Variants in RNF41 observed in about 807,000 individuals in gnomAD.
The protein encoded by RNF41 is E3 ubiquitin-protein ligase NRDP1.
Under a neutral mutation model 33.0 loss-of-function variants are expected in RNF41, and 4 were observed. The ratio of observed to expected loss-of-function variants is 0.12; its 90% confidence interval spans 0.06 to 0.28. The LOEUF is 0.28. Among genes scored for constraint, RNF41 ranks in the 10% least tolerant of loss-of-function variants. The pLI, the probability that RNF41 is intolerant of heterozygous loss-of-function variation, is 1.00. For missense variants in RNF41, 228 were observed against 432.6 expected (o/e 0.53, Z 4.19); for synonymous variants, 164 against 153.2 (o/e 1.07, Z -0.52).
chr12:56,219,668 T>TACCCACACACAC, intron 1 of RNF41, among the ~76,000 whole-genome samples: 1 of 150,552 alleles, frequency 6.6e-6, no homozygotes, highest in African/African-American at 2.4e-5. Context: ...TATATGTGTA[T>TACCCACACACAC]ATACACGCGC....
intron 2 of RNF41, among the ~76,000 whole-genome samples, chr12:56,215,450 G>A (rs1354957882): frequency 6.6e-6 from 1 of 152,130 alleles, no homozygotes; most frequent in Non-Finnish European, 1.5e-5. Context: ...GCCGGGCATG[G>A]TGGCTCATGC....
chr12:56,212,693 G>T (rs1868566120), intron 3 of RNF41, among the ~76,000 whole-genome samples: 1 of 152,022 alleles, frequency 6.6e-6, no homozygotes, highest in African/African-American at 2.4e-5. Flanking sequence ...TCCAGAGTTG[G>T]TTGCCATTGG....
intron 1 of RNF41, among the ~76,000 whole-genome samples, chr12:56,219,711 T>C (rs888215345): frequency 6.7e-6 from 1 of 148,428 alleles, no homozygotes; most frequent in African/African-American, 2.5e-5. Context: ...GCAAATCAAA[T>C]GAAATAATAA....
At chr12:56,221,571 C>T (rs74092035) in intron 1 of RNF41, 189 bp downstream of exon 1, 6,547 of 152,718 alleles carry the variant, frequency 0.043, 440 homozygotes, top group African/African-American at 0.15. Context: ...ACAACCCGTT[C>T]TCCAGAGCCC....
At chr12:56,216,196 G>C (rs1200587701) in intron 2 of RNF41, among the ~76,000 whole-genome samples, 4 of 150,758 alleles carry the variant, frequency 2.7e-5, no homozygotes, top group Non-Finnish European at 5.9e-5. Flanking sequence ...GAGTACATAG[G>C]AAAAAAAACA....
At chr12:56,213,633 G>GT (rs1868644160) in intron 3 of RNF41, among the ~76,000 whole-genome samples, 1 of 152,142 alleles carries the variant, frequency 6.6e-6, no homozygotes, top group East Asian at 1.9e-4. Flanking sequence ...ATGGAACCTA[G>GT]TAAGAGTTCC....
intron 1 of RNF41, among the ~76,000 whole-genome samples, chr12:56,221,010 G>T (rs572795821): frequency 2.6e-5 from 4 of 152,148 alleles, no homozygotes; most frequent in Non-Finnish European, 5.9e-5. Context: ...CAGTCCCCAA[G>T]AACAGTGGCC....
At chr12:56,216,866 C>T (rs531836821) in intron 1 of RNF41, among the ~76,000 whole-genome samples, 21 of 152,296 alleles carry the variant, frequency 1.4e-4, no homozygotes, top group East Asian at 3.9e-4. Flanking sequence ...AGAGGCCGGG[C>T]GTGGTGGCTC....
intron 1 of RNF41, among the ~76,000 whole-genome samples, chr12:56,220,178 G>C (rs1869257319): frequency 6.6e-6 from 1 of 151,976 alleles, no homozygotes; most frequent in Non-Finnish European, 1.5e-5. Context: ...AGCCGAGATG[G>C]ACCAATCACC....
In RNF41 at chr12:56,215,041, T is replaced by A. The variant is rs188619624; in HGVS notation, c.-23-971A>T. 1.1e-3 allele frequency among the ~76,000 whole-genome samples: 172 copies of A among 151,958 alleles called. 1 individual carries two copies. Among genetic ancestry groups the A allele is most frequent in the East Asian group, 7.2e-3 (37 of 5,172 alleles). ...AGAAACGTGTCCTGTAGGGCAAGAG[T>A]CAGCTAAATGTTGGGGGAGCAGGGC... On this transcript the variant is annotated intron_variant, in intron 2 of 6. Coordinates refer to ENST00000345093, the MANE Select transcript of RNF41 (RefSeq NM_005785.4).
rs1456746226 is a variant in RNF41, at chr12:56,206,768, C to G, written c.633G>C (p.Val211=). 6.2e-7 allele frequency: 1 copy of G among 1,613,982 alleles called. No individual in the cohort carries two copies. The highest frequency in any genetic ancestry group is 2.2e-5 in the East Asian group (1 of 44,884). The change falls in exon 7 of 7, where the codon GTG becomes GTC. Residue 211 remains valine, a synonymous_variant. Transcript: ENST00000345093. This position sits in a 1 kb window ranked among gnomAD's most constrained non-coding sequence, Gnocchi z 5.7. ...TCGAGATCATCCCTCCCCAGCGGGT[C>G]ACTCTTGCTGGCTGAAGGGAGTTCA... The part of the protein sequence containing the change: ...EWVNSLQPAR[V]TRWGGMISTP...
At position 56,208,244 on chromosome 12, in the gene RNF41, G is replaced by A. The variant is rs918628685; in HGVS notation, c.417C>T (p.Arg139=). The change falls in exon 5 of 7, where the codon CGC becomes CGT. Residue 139 remains arginine, a synonymous_variant. Coordinates refer to ENST00000345093, the MANE Select transcript of RNF41 (RefSeq NM_005785.4). ...LPNHNCIKHL[R]SVVQQQQTRI... is the part of the protein sequence containing the mutation. ...GTGTCTGCTGCTGCTGTACCACTGA[G>A]CGCAGGTGCTTAATGCAGTTATGGT... 1 of 1,614,218 alleles carries A rather than the reference G, an allele frequency of 6.2e-7. No individual in the cohort carries two copies. The highest frequency in any genetic ancestry group is 8.5e-7 in the Non-Finnish European group (1 of 1,180,034).
chr12:56,210,656 A>G, intron 3 of RNF41, 88 bp from the exon 4 acceptor site: 1 of 1,361,920 alleles, frequency 7.3e-7, no homozygotes. Context: ...AAGCCAATCA[A>G]GCCTTTGAGC....
At chr12:56,214,443 C>T (rs1029988617) in intron 2 of RNF41, among the ~76,000 whole-genome samples, 1 of 151,552 alleles carries the variant, frequency 6.6e-6, no homozygotes, top group African/African-American at 2.4e-5. Flanking sequence ...GCATTTGAAC[C>T]CAGGAGGCAG....
chr12:56,208,567 T>C (rs1369354518), intron 4 of RNF41: 1 of 233,298 alleles, frequency 4.3e-6, no homozygotes, highest in Non-Finnish European at 8.2e-6. Context: ...ATTTTGTATT[T>C]TTATTATTTT....
chr12:56,207,992 T>C (rs1201546292), intron 5 of RNF41, among the ~76,000 whole-genome samples, 171 bp downstream of exon 5: 2 of 152,190 alleles, frequency 1.3e-5, no homozygotes, highest in Non-Finnish European at 2.9e-5. Context: ...TGAAGAAAAG[T>C]CAAGGAGAGC....
rs57290094 is a variant in RNF41, at chr12:56,205,485, TA to T, written c.*961del. 131,083 of 133,244 alleles carry T rather than the reference TA, an allele frequency of 0.98. 64,480 individuals carry two copies. The highest frequency in any genetic ancestry group is 1 in the East Asian group (4,771 of 4,784). 8.3% of individuals were successfully genotyped at this position (133,244 alleles called of 1,614,324 possible). Reference sequence around the variant, plus strand: ...GATTTTTTTTTCTTTTTTCCTTTCTTAAAAAAAAAAAAAGGAAGTAAATAAA... The same window carrying T: ...GATTTTTTTTTCTTTTTTCCTTTCTTAAAAAAAAAAAAGGAAGTAAATAAA... On this transcript the variant is annotated 3_prime_UTR_variant, in exon 7 of 7. Transcript: ENST00000345093.
At chr12:56,210,089 C>A in intron 4 of RNF41, 1 of 585,708 alleles carries the variant, frequency 1.7e-6, no homozygotes, top group Non-Finnish European at 3.0e-6. Flanking sequence ...ATTGCTGTGC[C>A]CCTTCTTTTG....
chr12:56,210,752 C>T (rs899268993), intron 3 of RNF41, among the ~76,000 whole-genome samples, 184 bp from the exon 4 acceptor site: 10 of 152,164 alleles, frequency 6.6e-5, no homozygotes, highest in East Asian at 1.9e-4. Flanking sequence ...GCTTAAGATA[C>T]GTTTCCTGCT....
Sources: allele counts gnomAD v4.1 joint callset (sites outside exome capture counted in the v4.1 genomes callset), GRCh38; gene constraint gnomAD v4.1.1; non-coding constraint Gnocchi (gnomAD v3.1); transcripts MANE v1.5; gene names NCBI Gene and HGNC (gene_info 2026-07-23, HGNC 2026-07-21).